The following HECW2 variants were observed in gnomAD, a reference collection of about 807,000 sequenced individuals.
The protein encoded by HECW2 is E3 ubiquitin-protein ligase HECW2.
In HECW2, 61 loss-of-function variants were observed where a neutral mutation model predicts 175.2. The observed-to-expected ratio is 0.35, with a 90% CI of 0.28 to 0.43. The LOEUF (loss-of-function observed/expected upper bound fraction) is 0.43, where lower values mean the gene tolerates loss of function less well. Among genes scored for constraint, HECW2 ranks in the 20% least tolerant of loss-of-function variants. The pLI is 1.00. For synonymous variants in HECW2, 671 were observed against 731.0 expected, an observed-to-expected ratio of 0.92 and a Z score of 1.32; for missense variants, 1,524 against 2,000.5, an observed-to-expected ratio of 0.76 and a Z score of 4.54.
At chr2:196,322,704 T>A (rs931500801) in intron 6 of HECW2, 84 bp from the exon 7 acceptor site, 1 of 1,231,520 alleles carries the variant, frequency 8.1e-7, no homozygotes, top group South Asian at 1.5e-5. Context: ...GGAAATGGTA[T>A]CTCTTAAATT....
chr2:196,491,654 T>C (rs1171698335), intron 1 of HECW2, among the ~76,000 whole-genome samples: 2 of 151,860 alleles, frequency 1.3e-5, no homozygotes, highest in Non-Finnish European at 2.9e-5. Flanking sequence ...TTAAGCCTTC[T>C]GACTAATTTA....
At chr2:196,529,948 T>G (rs1688787358) in intron 1 of HECW2, among the ~76,000 whole-genome samples, 1 of 152,234 alleles carries the variant, frequency 6.6e-6, no homozygotes, top group East Asian at 1.9e-4. Context: ...TTGTTTTATT[T>G]GGCTCTAACA....
chr2:196,274,713 G>T (rs946588901), intron 15 of HECW2, among the ~76,000 whole-genome samples: 3 of 152,178 alleles, frequency 2.0e-5, no homozygotes, highest in African/African-American at 7.2e-5. Flanking sequence ...TCCCACACCA[G>T]GGTGCTAATA....
intron 1 of HECW2, among the ~76,000 whole-genome samples, chr2:196,566,673 C>G (rs978845544): frequency 8.1e-5 from 12 of 148,106 alleles, no homozygotes; most frequent in Non-Finnish European, 1.2e-4. Context: ...GCCAGGACTA[C>G]AGGTGCCAGC....
chr2:196,234,545 T>C (rs1688171589), intron 21 of HECW2, among the ~76,000 whole-genome samples: 1 of 152,148 alleles, frequency 6.6e-6, no homozygotes, highest in Non-Finnish European at 1.5e-5. Flanking sequence ...TACTCCCACC[T>C]TGGCCTCCCA....
chr2:196,439,231 A>T (rs1389392229), intron 1 of HECW2, among the ~76,000 whole-genome samples: 2 of 152,242 alleles, frequency 1.3e-5, no homozygotes, highest in African/African-American at 4.8e-5. Flanking sequence ...CTACTGAATT[A>T]ATTAATGCAT....
chr2:196,349,894 A>G (rs1173155043), intron 2 of HECW2, among the ~76,000 whole-genome samples: 2 of 152,148 alleles, frequency 1.3e-5, no homozygotes. Context: ...TATTTTTAGG[A>G]GGAACACCTA....
chr2:196,395,886 C>A (rs548920072), intron 2 of HECW2, among the ~76,000 whole-genome samples: 1 of 152,000 alleles, frequency 6.6e-6, no homozygotes, highest in Non-Finnish European at 1.5e-5. Context: ...TGGGTATACA[C>A]GTAAAGGGAT....
In HECW2 at chr2:196,266,308, C is replaced by A. The variant is rs568721105; in HGVS notation, c.3335+4885G>T. Among the ~76,000 whole-genome samples the A allele has an allele frequency of 2.6e-5, 4 of 151,578 alleles. No homozygotes were observed. The South Asian group carries it at 8.3e-4, about 32-fold the overall frequency. On this transcript the variant is annotated intron_variant, in intron 17 of 28. Transcript: ENST00000644978. ...GCTGCAGTCAGCTGTGATCGCGACACTACACTGCAGCCTGGGCAACAGAGT... is the reference window on the plus strand; with the variant it reads ...GCTGCAGTCAGCTGTGATCGCGACAATACACTGCAGCCTGGGCAACAGAGT...
intron 27 of HECW2, 152 bp from the exon 28 acceptor site, chr2:196,216,129 A>G: frequency 1.6e-6 from 1 of 606,796 alleles, no homozygotes; most frequent in Non-Finnish European, 2.9e-6. Flanking sequence ...TCACAACACA[A>G]TTCTGACACA....
In HECW2 at chr2:196,206,624, T is replaced by C. The variant is rs76305682; in HGVS notation, c.4608-5236A>G. Among the ~76,000 whole-genome samples the C allele has an allele frequency of 3.7e-3, 564 of 152,354 alleles. 4 individuals carry two copies. The highest frequency in any genetic ancestry group is 0.013 in the African/African-American group (533 of 41,576). On this transcript the variant is annotated intron_variant, in intron 28 of 28. Transcript: ENST00000644978. ...CTCCATGCCAGGGATTCAGCTGTCC[T>C]CTGAGAGATGAGGATGAAAAGTCTG...
intron 15 of HECW2, among the ~76,000 whole-genome samples, chr2:196,277,300 C>A (rs1689994548): frequency 6.6e-6 from 1 of 152,122 alleles, no homozygotes; most frequent in Admixed American, 6.5e-5. Flanking sequence ...TCTCCAGGCA[C>A]ATAAAGTATA....
In HECW2 at chr2:196,292,586, C is replaced by T. The variant is rs750130845; in HGVS notation, c.2979G>A (p.Met993Ile). ...KQLELPRGWE[M>I]KHDHQGKAFF... ...TTACCTTGCCCTGGTGATCATGTTT[C>T]ATTTCCCATCCCCGCGGCAGCTCTA... Residue 993 changes from methionine to isoleucine, a missense_variant, in exon 14 of 29, where the codon ATG becomes ATA. Physicochemically the swap from Met to Ile is conservative, Grantham distance 10. Coordinates refer to ENST00000644978, the MANE Select transcript of HECW2 (RefSeq NM_001348768.2). 6.2e-6 allele frequency: 10 copies of T among 1,613,480 alleles called. No homozygotes were observed. The South Asian group carries it at 9.9e-5, about 16-fold the overall frequency.
chr2:196,566,860 A>C (rs951035080), intron 1 of HECW2, among the ~76,000 whole-genome samples: 1 of 152,074 alleles, frequency 6.6e-6, no homozygotes, highest in Non-Finnish European at 1.5e-5. Context: ...CAACTCTCTG[A>C]GGTAGATAAA....
intron 13 of HECW2, among the ~76,000 whole-genome samples, chr2:196,300,398 T>C (rs566063989): frequency 3.9e-5 from 6 of 152,252 alleles, no homozygotes; most frequent in Non-Finnish European, 8.8e-5. Context: ...AAACTTCAAA[T>C]TGTGCTGTTA....
In HECW2 at chr2:196,277,339, T is replaced by C. The variant is rs189038913; in HGVS notation, c.3135+1189A>G. On this transcript the variant is annotated intron_variant, in intron 15 of 28. Coordinates refer to ENST00000644978, the MANE Select transcript of HECW2 (RefSeq NM_001348768.2). ...ATCAACTCTCTCAAAAATATCCTAA[T>C]TTTAAAGAATACTAGTGAGGATTCC... Among the ~76,000 whole-genome samples the C allele has an allele frequency of 3.3e-3, 506 of 152,370 alleles. 6 individuals carry two copies. Among genetic ancestry groups the C allele is most frequent in the African/African-American group, 0.011 (465 of 41,596 alleles).
Position 196,306,504 on chromosome 2 carries a change from A to G in HECW2, c.2798T>C (p.Val933Ala). ...KFLISPEFFT[V>A]LHSNPSAYRM... ...GCTACTCACAGGGTTAGAATGCAGC[A>G]CGGTGAAGAACTCTGGGCTGATGAG... The change falls in exon 13 of 29, where the codon GTG becomes GCG. Residue 933 changes from valine to alanine, a missense_variant. Physicochemically the swap from Val to Ala is moderately conservative, Grantham distance 64. Transcript: ENST00000644978. 6.2e-7 allele frequency: 1 copy of G among 1,610,688 alleles called. No homozygotes were observed. The highest frequency in any genetic ancestry group is 8.5e-7 in the Non-Finnish European group (1 of 1,178,534).
intron 19 of HECW2, among the ~76,000 whole-genome samples, chr2:196,252,022 A>G (rs1688872629): frequency 6.6e-6 from 1 of 151,808 alleles, no homozygotes; most frequent in Non-Finnish European, 1.5e-5. Flanking sequence ...AACATGATGA[A>G]ACCCAGTCTC....
intron 6 of HECW2, among the ~76,000 whole-genome samples, chr2:196,323,530 A>C (rs16849567): frequency 2.6e-5 from 4 of 152,196 alleles, no homozygotes. Flanking sequence ...TTATCTAGTC[A>C]TAACAATTAA....
Sources: gnomAD v4.1 joint callset for allele counts (sites outside exome capture counted in the v4.1 genomes callset) on GRCh38, gnomAD v4.1.1 for gene constraint, MANE v1.5 for transcripts, NCBI Gene and HGNC (gene_info 2026-07-23, HGNC 2026-07-21) for gene names.